PLEKHA7: variants seen among roughly 807,000 people sequenced by gnomAD.
PLEKHA7 encodes pleckstrin homology domain containing A7, also known as pleckstrin homology domain-containing family A member 7.
PLEKHA7 carries 104 observed loss-of-function variants against 170.0 expected under a neutral mutation model. The ratio of observed to expected loss-of-function variants is 0.61; its 90% CI spans 0.52 to 0.72. The LOEUF is 0.72. Ranked by LOEUF, PLEKHA7 falls within the 30% of genes least tolerant of loss-of-function variation. PLEKHA7 has a pLI of 0.00. For synonymous variants in PLEKHA7, 648 were observed against 660.8 expected, an observed-to-expected ratio of 0.98 and a Z score of 0.30; for missense variants, 1,615 against 1,671.7, an observed-to-expected ratio of 0.97 and a Z score of 0.59.
intron 10 of PLEKHA7, among the ~76,000 whole-genome samples, chr11:16,822,612 C>T (rs1057319639): frequency 1.3e-5 from 2 of 152,078 alleles, no homozygotes; most frequent in Admixed American, 1.3e-4. Flanking sequence ...GAAACTCTCC[C>T]CAACAAAACC....
intron 3 of PLEKHA7, among the ~76,000 whole-genome samples, chr11:16,894,987 G>A (rs1390389938): frequency 6.6e-6 from 1 of 152,104 alleles, no homozygotes; most frequent in African/African-American, 2.4e-5. Context: ...CTGAGGATCA[G>A]AAAAATTAAG....
chr11:16,944,028 C>T (rs923516636), intron 3 of PLEKHA7, among the ~76,000 whole-genome samples: 3 of 152,164 alleles, frequency 2.0e-5, no homozygotes, highest in African/African-American at 7.2e-5. Flanking sequence ...GATGTTGTCT[C>T]TTTGGGAATG....
intron 3 of PLEKHA7, among the ~76,000 whole-genome samples, chr11:16,930,035 T>C (rs1013451983): frequency 6.6e-6 from 1 of 151,690 alleles, no homozygotes; most frequent in African/African-American, 2.4e-5. Flanking sequence ...AAAAATAAAG[T>C]ATGTGCTGGG....
chr11:16,826,302 C>T lies in PLEKHA7; in HGVS notation c.1161G>A (p.Gln387=). 6.2e-7 allele frequency: 1 copy of T among 1,614,264 alleles called. No homozygotes were observed. Among genetic ancestry groups the T allele is most frequent in the South Asian group, 1.1e-5 (1 of 91,090 alleles). Residue 387 remains glutamine, a synonymous_variant, in exon 10 of 27, where the codon CAG becomes CAA. Transcript: ENST00000531066. The part of the protein sequence containing the change: ...LPTGPRGQQA[Q]PQRAEKNGML... Reference sequence around the variant, plus strand: ...TTCCATTCTTCTCTGCCCGTTGGGGCTGTGCCTGCTGGCCTCTTGGGCCAG... The same window carrying T: ...TTCCATTCTTCTCTGCCCGTTGGGGTTGTGCCTGCTGGCCTCTTGGGCCAG...
chr11:16,980,439 C>T (rs1476277310), intron 3 of PLEKHA7, among the ~76,000 whole-genome samples: 2 of 152,234 alleles, frequency 1.3e-5, no homozygotes, highest in East Asian at 3.9e-4. Flanking sequence ...AGGAAATCCC[C>T]AGACACTCCC....
At chr11:16,930,557 C>A (rs1441008384) in intron 3 of PLEKHA7, among the ~76,000 whole-genome samples, 1 of 152,176 alleles carries the variant, frequency 6.6e-6, no homozygotes, top group Non-Finnish European at 1.5e-5. Context: ...ATCATTTAAT[C>A]CCTTACCAGT....
intron 26 of PLEKHA7, among the ~76,000 whole-genome samples, chr11:16,781,507 C>T (rs895859169): frequency 1.3e-5 from 2 of 152,174 alleles, no homozygotes; most frequent in Non-Finnish European, 2.9e-5. Flanking sequence ...CTAAGATGAA[C>T]CCCTGGGTCA....
chr11:16,943,495 T>C (rs1033682803), intron 3 of PLEKHA7, among the ~76,000 whole-genome samples: 6 of 152,204 alleles, frequency 3.9e-5, no homozygotes, highest in Admixed American at 6.5e-5. Context: ...TTTTTAGCAG[T>C]GAGAACTTGC....
Position 16,871,182 on chromosome 11 carries a change from G to A in PLEKHA7, c.222C>T (p.Asp74=), listed in dbSNP as rs111789964. Residue 74 remains aspartate (D), a splice_region_variant and synonymous_variant, in exon 4 of 27, where the codon GAC becomes GAT. Transcript: ENST00000531066. ...TGAATGCTGTGGTCTGCTGGTTATG[G>A]CTAAAGAGAAAGAGAGAAGATGGAT... ...FTEEGASYFI[D]HNQQTTAFRH... is the part of the protein sequence containing the mutation. The A allele has an allele frequency of 6.2e-7, 1 of 1,603,310 alleles. No individual in the cohort carries two copies. The highest frequency in any genetic ancestry group is 8.5e-7 in the Non-Finnish European group (1 of 1,170,482).
At chr11:16,888,226 C>G (rs559716868) in intron 3 of PLEKHA7, among the ~76,000 whole-genome samples, 1 of 151,720 alleles carries the variant, frequency 6.6e-6, no homozygotes, top group African/African-American at 2.4e-5. Flanking sequence ...AAGACAGGAG[C>G]GCCTCCACCC....
chr11:16,976,215 A>C (rs1208388860), intron 3 of PLEKHA7, among the ~76,000 whole-genome samples: 2 of 152,230 alleles, frequency 1.3e-5, no homozygotes, highest in Non-Finnish European at 2.9e-5. Context: ...AGGCCTTAAG[A>C]AATAAGGCCT....
At chr11:17,005,722 C>T (rs1590835189) in intron 3 of PLEKHA7, among the ~76,000 whole-genome samples, 1 of 152,330 alleles carries the variant, frequency 6.6e-6, no homozygotes, top group East Asian at 1.9e-4. Context: ...AAAGACGTTT[C>T]CTTAAAGAAG....
At position 17,006,443 on chromosome 11, in the gene PLEKHA7, A is replaced by G. The variant is rs1174945141; in HGVS notation, c.221+7546T>C. ...GGAGTTCAAGGCCAGCTTGGCTAAC[A>G]TGGTGAAACCCCATCTGTACTAAAA... On this transcript the variant is annotated intron_variant, in intron 3 of 26. Transcript: ENST00000531066. Among the ~76,000 whole-genome samples the G allele has an allele frequency of 2.7e-5, 4 of 149,418 alleles. No individual in the cohort carries two copies. In the East Asian group the frequency reaches 6.0e-4, roughly 23 times the overall value.
chr11:16,936,301 C>CTGAG (rs775799893), intron 3 of PLEKHA7, among the ~76,000 whole-genome samples: 29 of 145,782 alleles, frequency 2.0e-4, no homozygotes, highest in Non-Finnish European at 3.9e-4. Flanking sequence ...ACTCGGGAGG[C>CTGAG]TGAGGCAGGA....
intron 4 of PLEKHA7, 77 bp downstream of exon 4, chr11:16,871,022 A>G: frequency 1.8e-6 from 2 of 1,142,314 alleles, no homozygotes; most frequent in Non-Finnish European, 2.6e-6. Context: ...AAAACAGTCC[A>G]GTAAGTTTTG....
chr11:16,967,420 G>T (rs186400789), intron 3 of PLEKHA7, among the ~76,000 whole-genome samples: 2 of 152,284 alleles, frequency 1.3e-5, no homozygotes, highest in Admixed American at 1.3e-4. Flanking sequence ...AAAAATCTAG[G>T]TGATTCAAAT....
intron 23 of PLEKHA7, 108 bp from the exon 24 acceptor site, chr11:16,786,495 T>C (rs1322835248): frequency 6.7e-7 from 1 of 1,497,822 alleles, no homozygotes; most frequent in Non-Finnish European, 8.9e-7. Context: ...TGTGATCCCC[T>C]TAGGGAAAAG....
At chr11:16,849,222 AAGAC>A (rs1181455577) in intron 8 of PLEKHA7, among the ~76,000 whole-genome samples, 1 of 152,234 alleles carries the variant, frequency 6.6e-6, no homozygotes, top group Admixed American at 6.5e-5. Flanking sequence ...AAAGAAATCT[AAGAC>A]AGATTAAAGA....
At chr11:16,850,248 T>G (rs147654720) in intron 8 of PLEKHA7, among the ~76,000 whole-genome samples, 2 of 152,156 alleles carry the variant, frequency 1.3e-5, no homozygotes, top group Admixed American at 6.6e-5. Context: ...GCCTCCAACA[T>G]GGAAACGGCC....
Sources: allele counts gnomAD v4.1 joint callset (sites outside exome capture counted in the v4.1 genomes callset), GRCh38; gene constraint gnomAD v4.1.1; transcripts MANE v1.5; gene names NCBI Gene and HGNC (gene_info 2026-07-23, HGNC 2026-07-21).